Variants in IRAK2 observed in about 807,000 individuals in gnomAD.
IRAK2 encodes interleukin-1 receptor-associated kinase-like 2.
IRAK2 carries 57 observed loss-of-function variants against 72.0 expected under a neutral mutation model. The ratio of observed to expected loss-of-function variants is 0.79; its 90% CI spans 0.64 to 0.99. The LOEUF (loss-of-function observed/expected upper bound fraction) is 0.99, where lower values mean the gene tolerates loss of function less well. IRAK2 is among the 50% of genes least tolerant of loss of function. The pLI is 0.00. For synonymous variants in IRAK2, 293 were observed against 312.7 expected (o/e 0.94, Z 0.67); for missense variants, 790 against 794.4 (o/e 0.99, Z 0.07).
At chr3:10,171,712 C>T (rs1002485717) in intron 1 of IRAK2, among the ~76,000 whole-genome samples, 8 of 150,400 alleles carry the variant, frequency 5.3e-5, no homozygotes, top group Non-Finnish European at 7.4e-5. Flanking sequence ...CCTCGTGATC[C>T]GCCCGCCTCA....
chr3:10,189,755 C>A (rs1697144791), intron 2 of IRAK2, among the ~76,000 whole-genome samples: 1 of 152,068 alleles, frequency 6.6e-6, no homozygotes, highest in African/African-American at 2.4e-5. Context: ...AGAGAATGAA[C>A]CCTTCCTCTC....
At chr3:10,226,838 C>T (rs970818078) in intron 10 of IRAK2, among the ~76,000 whole-genome samples, 30 of 150,974 alleles carry the variant, frequency 2.0e-4, no homozygotes, top group African/African-American at 6.1e-4. Context: ...CCCAGCTACT[C>T]GGGAGGCTGA....
At chr3:10,165,435 GT>G (rs1696667758) in intron 1 of IRAK2, among the ~76,000 whole-genome samples, 2 of 140,350 alleles carry the variant, frequency 1.4e-5, no homozygotes, top group Non-Finnish European at 3.2e-5. Flanking sequence ...TTGGGGGGGT[GT>G]GTGTGTGTGT....
intron 11 of IRAK2, among the ~76,000 whole-genome samples, chr3:10,237,057 A>T (rs920631884): frequency 6.6e-6 from 1 of 152,236 alleles, no homozygotes; most frequent in African/African-American, 2.4e-5. Flanking sequence ...GAAAAGGTGG[A>T]CACACTCCCT....
At position 10,238,905 on chromosome 3, in the gene IRAK2, G is replaced by A; in HGVS notation, c.1631G>A (p.Ser544Asn). The A allele has an allele frequency of 6.2e-7, 1 of 1,614,094 alleles. No individual in the cohort carries two copies. Among genetic ancestry groups the A allele is most frequent in the Non-Finnish European group, 8.5e-7 (1 of 1,180,006 alleles). The change falls in exon 12 of 13, where the codon AGT (serine) becomes AAT (asparagine). Residue 544 changes from serine (S) to asparagine (N), a missense_variant. Physicochemically the swap from Ser to Asn is conservative, Grantham distance 46. Coordinates refer to ENST00000256458, the MANE Select transcript of IRAK2 (RefSeq NM_001570.4). ...NSSLDASSSM[S>N]VAPWAGAATP... ...AGCCTTGATGCCTCCTCCTCCATGAGTGTGGCACCCTGGGCAGGGGCTGCC... is the reference window on the plus strand; with the variant it reads ...AGCCTTGATGCCTCCTCCTCCATGAATGTGGCACCCTGGGCAGGGGCTGCC...
chr3:10,187,554 A>G (rs920365555), intron 2 of IRAK2, among the ~76,000 whole-genome samples: 5 of 152,198 alleles, frequency 3.3e-5, no homozygotes, highest in African/African-American at 1.2e-4. Context: ...TGGTCCAGCA[A>G]GATACCCTGC....
chr3:10,170,380 G>A (rs1696775557), intron 1 of IRAK2, among the ~76,000 whole-genome samples: 1 of 152,150 alleles, frequency 6.6e-6, no homozygotes, highest in Non-Finnish European at 1.5e-5. Flanking sequence ...TGCTATGTAA[G>A]GTACCATATT....
chr3:10,240,913 A>G (rs1249043729), intron 12 of IRAK2, among the ~76,000 whole-genome samples: 1 of 151,794 alleles, frequency 6.6e-6, no homozygotes, highest in East Asian at 2.0e-4. Flanking sequence ...GGTTCAATGA[A>G]TGTCCCAGGC....
chr3:10,182,714 A>T (rs115887626), intron 2 of IRAK2, among the ~76,000 whole-genome samples: 9,255 of 149,692 alleles, frequency 0.062, 514 homozygotes, highest in African/African-American at 0.14. Context: ...CAGGCCCTTT[A>T]TTTTTTTAAT....
chr3:10,198,473 C>T (rs1024785503), intron 2 of IRAK2, among the ~76,000 whole-genome samples: 3 of 152,190 alleles, frequency 2.0e-5, no homozygotes, highest in Non-Finnish European at 2.9e-5. Context: ...TCTGCCCTAG[C>T]TGGGTGGGAG....
intron 1 of IRAK2, among the ~76,000 whole-genome samples, chr3:10,170,119 T>C (rs1214955040): frequency 6.6e-6 from 1 of 152,210 alleles, no homozygotes; most frequent in Non-Finnish European, 1.5e-5. Flanking sequence ...GTCGGTCTCC[T>C]GGCCTTGACT....
At chr3:10,169,131 AG>A (rs1559436973) in intron 1 of IRAK2, among the ~76,000 whole-genome samples, 1 of 152,120 alleles carries the variant, frequency 6.6e-6, no homozygotes, top group Non-Finnish European at 1.5e-5. Context: ...TCAAAAGGGG[AG>A]GGGTGTACGA....
chr3:10,198,456 C>G (rs1301455670), intron 2 of IRAK2, among the ~76,000 whole-genome samples: 1 of 152,160 alleles, frequency 6.6e-6, no homozygotes, highest in Non-Finnish European at 1.5e-5. Context: ...AGTGGTGTTT[C>G]AATAGTTCTG....
chr3:10,234,554 G>C lies in IRAK2; in HGVS notation c.1368G>C (p.Gln456His). ...VENVMAKEIC[Q>H]KYLEKGAGRL... ...ACGTGATGGCAAAGGAGATCTGCCA[G>C]AAGTACCTGGAGAAGGGCGCAGGGA... The change falls in exon 11 of 13, where the codon CAG (glutamine) becomes CAC (histidine). Residue 456 changes from glutamine (Q) to histidine (H), a missense_variant. Gln to His is a conservative substitution (Grantham distance 24). Coordinates refer to ENST00000256458, the MANE Select transcript of IRAK2 (RefSeq NM_001570.4). 1 of 1,614,104 alleles carries C rather than the reference G, an allele frequency of 6.2e-7. No homozygotes were observed. Among genetic ancestry groups the C allele is most frequent in the Non-Finnish European group, 8.5e-7 (1 of 1,180,030 alleles).
In IRAK2 at chr3:10,243,517, T is replaced by G. The variant is rs567594263; in HGVS notation, c.*1289T>G. ...GGAGGAACAGATGAGACAGTGGCTA[T>G]AGAAGCACTTGGAAAATGCACTTGT... is the stretch of plus-strand genomic sequence containing the variant. On this transcript the variant is annotated 3_prime_UTR_variant, in exon 13 of 13. Transcript: ENST00000256458. 1.3e-5 allele frequency: 2 copies of G among 152,768 alleles called. No homozygotes were observed. The highest frequency in any genetic ancestry group is 1.3e-4 in the Admixed American group (2 of 15,290). The allele number at this position is 152,768 out of a possible 1,614,324, so 9.5% of individuals were successfully genotyped here.
chr3:10,178,526 G>A (rs1442584571), intron 2 of IRAK2, among the ~76,000 whole-genome samples: 1 of 152,014 alleles, frequency 6.6e-6, no homozygotes, highest in Non-Finnish European at 1.5e-5. Context: ...GAGGAACTGG[G>A]CTGCCAGAGA....
At chr3:10,231,492 C>T (rs12491525) in intron 10 of IRAK2, among the ~76,000 whole-genome samples, 55,015 of 151,540 alleles carry the variant, frequency 0.36, 10,777 homozygotes, top group Admixed American at 0.45. Flanking sequence ...GGGGTTTTGC[C>T]ATGTTGCCCA....
chr3:10,242,899 T>C lies in IRAK2; in HGVS notation c.*671T>C, dbSNP rs1304871910. On this transcript the variant is annotated 3_prime_UTR_variant, in exon 13 of 13. Transcript: ENST00000256458. ...ATGCCAGACACCTAGCGAAGAGCTC[T>C]GCAGGCTTTCCACTGCCTGTATTGG... The C allele has an allele frequency of 6.6e-6, 1 of 152,268 alleles. No individual in the cohort carries two copies. Among genetic ancestry groups the C allele is most frequent in the Non-Finnish European group, 1.5e-5 (1 of 68,078 alleles). The allele number at this position is 152,268 out of a possible 1,614,324, so 9.4% of individuals were successfully genotyped here.
intron 1 of IRAK2, among the ~76,000 whole-genome samples, chr3:10,165,399 G>GT (rs1696666088): frequency 1.3e-5 from 2 of 152,234 alleles, no homozygotes; most frequent in South Asian, 4.1e-4. Flanking sequence ...CCTCGACCCT[G>GT]TAGGGACCCA....
Sources: gnomAD v4.1 joint callset for allele counts (sites outside exome capture counted in the v4.1 genomes callset) on GRCh38, gnomAD v4.1.1 for gene constraint, MANE v1.5 for transcripts, NCBI Gene and HGNC (gene_info 2026-07-23, HGNC 2026-07-21) for gene names.